The following PALMD variants were observed in gnomAD, a reference collection of about 807,000 sequenced individuals.
PALMD encodes palmdelphin.
A neutral mutation model predicts 56.2 loss-of-function variants in PALMD; 42 were observed. The ratio of observed to expected loss-of-function variants is 0.75; its 90% confidence interval spans 0.58 to 0.97. PALMD has a LOEUF of 0.97. PALMD is among the 50% of genes least tolerant of loss of function. PALMD has a pLI of 0.00. For missense variants in PALMD, 660 were observed against 643.8 expected (o/e 1.03, Z -0.27); for synonymous variants, 242 against 222.9 (o/e 1.09, Z -0.76).
chr1:99,679,297 A>G (rs1653285862), intron 3 of PALMD, among the ~76,000 whole-genome samples: 1 of 152,218 alleles, frequency 6.6e-6, no homozygotes, highest in Non-Finnish European at 1.5e-5. Flanking sequence ...CCAGCTTTAT[A>G]TTTAAGACCT....
chr1:99,667,870 C>A (rs1653002765), intron 3 of PALMD, 104 bp downstream of exon 3: 2 of 1,072,446 alleles, frequency 1.9e-6, no homozygotes, highest in Non-Finnish European at 2.7e-6. Context: ...ATCAAATCTT[C>A]CATTTGAATT....
intron 1 of PALMD, among the ~76,000 whole-genome samples, chr1:99,659,208 T>G (rs1219589573): frequency 6.6e-6 from 1 of 152,248 alleles, no homozygotes; most frequent in Non-Finnish European, 1.5e-5. Flanking sequence ...TATGTGATTG[T>G]GTTAATATCA....
chr1:99,656,927 G>A (rs908365708), intron 1 of PALMD, among the ~76,000 whole-genome samples: 1 of 152,042 alleles, frequency 6.6e-6, no homozygotes, highest in Non-Finnish European at 1.5e-5. Context: ...TGTGCTCCCC[G>A]CAATCTGTTT....
intron 2 of PALMD, among the ~76,000 whole-genome samples, chr1:99,664,642 G>A (rs1243977377): frequency 1.3e-5 from 2 of 152,128 alleles, no homozygotes; most frequent in Non-Finnish European, 2.9e-5. Flanking sequence ...ACAGCAACAA[G>A]GCATAATTCC....
chr1:99,680,124 G>A (rs1653305541), intron 3 of PALMD, among the ~76,000 whole-genome samples: 1 of 152,176 alleles, frequency 6.6e-6, no homozygotes, highest in African/African-American at 2.4e-5. Flanking sequence ...AGCTGAGAGA[G>A]ATAAATGGAC....
chr1:99,676,286 GTTC>G (rs1005181135), intron 3 of PALMD, among the ~76,000 whole-genome samples: 7 of 152,162 alleles, frequency 4.6e-5, no homozygotes, highest in East Asian at 3.9e-4. Context: ...TTCTAAGGCA[GTTC>G]TTCTTCTTCC....
intron 3 of PALMD, chr1:99,669,043 A>G (rs952936888): frequency 2.6e-5 from 4 of 152,214 alleles, no homozygotes; most frequent in African/African-American, 7.2e-5. Context: ...TCTGAAACAC[A>G]AAAGTATTTG....
At chr1:99,661,587 T>G in intron 1 of PALMD, among the ~76,000 whole-genome samples, 1 of 152,186 alleles carries the variant, frequency 6.6e-6, no homozygotes, top group Non-Finnish European at 1.5e-5. Context: ...GACACAGAGC[T>G]AGTAAGTGGA....
At chr1:99,659,146 A>G (rs1187232728) in intron 1 of PALMD, among the ~76,000 whole-genome samples, 2 of 152,240 alleles carry the variant, frequency 1.3e-5, no homozygotes, top group Admixed American at 6.5e-5. Context: ...AATCAATAAT[A>G]TAACTAAAAT....
At chr1:99,659,131 T>C (rs577270796) in intron 1 of PALMD, among the ~76,000 whole-genome samples, 9 of 152,226 alleles carry the variant, frequency 5.9e-5, no homozygotes, top group Non-Finnish European at 1.3e-4. Context: ...ATTTAGCACA[T>C]TGTTAATCAA....
chr1:99,673,493 G>A (rs1376034017), intron 3 of PALMD, among the ~76,000 whole-genome samples: 2 of 151,674 alleles, frequency 1.3e-5, no homozygotes, highest in Non-Finnish European at 2.9e-5. Flanking sequence ...AAAAAAAGAG[G>A]CGAAAAAAAA....
At chr1:99,651,634 G>A (rs1032725981) in intron 1 of PALMD, among the ~76,000 whole-genome samples, 1 of 152,148 alleles carries the variant, frequency 6.6e-6, no homozygotes, top group African/African-American at 2.4e-5. Flanking sequence ...TTAAATGATA[G>A]TAATGTCATT....
At chr1:99,679,870 G>A (rs1653298497) in intron 3 of PALMD, among the ~76,000 whole-genome samples, 1 of 152,168 alleles carries the variant, frequency 6.6e-6, no homozygotes, top group African/African-American at 2.4e-5. Flanking sequence ...TTGCTCATCT[G>A]TCAATTGGAA....
chr1:99,680,872 CT>C (rs1653326007), intron 3 of PALMD, among the ~76,000 whole-genome samples: 1 of 151,712 alleles, frequency 6.6e-6, no homozygotes, highest in South Asian at 2.1e-4. Context: ...ATATTGCCTT[CT>C]GGAAAACCTC....
At chr1:99,680,204 T>C (rs1349675471) in intron 3 of PALMD, among the ~76,000 whole-genome samples, 4 of 152,130 alleles carry the variant, frequency 2.6e-5, no homozygotes, top group Non-Finnish European at 5.9e-5. Flanking sequence ...TGTGCTGTCC[T>C]TTTTTCCAAG....
intron 1 of PALMD, among the ~76,000 whole-genome samples, chr1:99,651,038 C>A (rs1209640300): frequency 6.6e-6 from 1 of 152,214 alleles, no homozygotes; most frequent in African/African-American, 2.4e-5. Context: ...AGAGGAACAA[C>A]TTCTAATTTG....
chr1:99,666,113 G>A (rs550157013), intron 2 of PALMD, among the ~76,000 whole-genome samples: 1 of 152,204 alleles, frequency 6.6e-6, no homozygotes, highest in South Asian at 2.1e-4. Flanking sequence ...TTCAAACCAT[G>A]TTCTGTGTAT....
chr1:99,663,031 C>G (rs767022271), intron 2 of PALMD, among the ~76,000 whole-genome samples: 8 of 152,110 alleles, frequency 5.3e-5, no homozygotes, highest in Non-Finnish European at 1.2e-4. Context: ...AGGATGCAAG[C>G]AAATAACAAA....
At position 99,662,438 on chromosome 1, in the gene PALMD, T is replaced by C. The variant is rs747798877; in HGVS notation, c.126+39T>C. ...TTAATTTCATTTCAATGATTTTGTATTCAAAAATTCTATTGGTACTCAAAT... is the reference window on the plus strand; with the variant it reads ...TTAATTTCATTTCAATGATTTTGTACTCAAAAATTCTATTGGTACTCAAAT... On this transcript the variant is annotated intron_variant, in intron 2 of 7. Transcript: ENST00000263174. 4 of 1,157,218 alleles carry C rather than the reference T, an allele frequency of 3.5e-6. No individual in the cohort carries two copies. The Admixed American group carries it at 6.2e-5, about 18-fold the overall frequency. The allele number at this position is 1,157,218 out of a possible 1,614,324, so 71.7% of individuals were successfully genotyped here.
Sources: allele counts gnomAD v4.1 joint callset (sites outside exome capture counted in the v4.1 genomes callset), GRCh38; gene constraint gnomAD v4.1.1; transcripts MANE v1.5; gene names NCBI Gene and HGNC (gene_info 2026-07-23, HGNC 2026-07-21).